Variants in PHACTR2 observed in about 807,000 individuals in gnomAD.
PHACTR2 encodes chromosome 6 open reading frame 56.
A neutral mutation model predicts 76.0 loss-of-function variants in PHACTR2; 30 were observed. The observed-to-expected ratio is 0.39, with a 90% CI of 0.30 to 0.54. The LOEUF is 0.54. PHACTR2 is among the 20% of genes least tolerant of loss of function. The pLI is 0.61. For synonymous variants in PHACTR2, 292 were observed against 292.5 expected, an observed-to-expected ratio of 1.00 and a Z score of 0.02; for missense variants, 696 against 781.1, an observed-to-expected ratio of 0.89 and a Z score of 1.30.
At chr6:143,808,091 T>A (rs1776101815) in intron 12 of PHACTR2, among the ~76,000 whole-genome samples, 1 of 152,096 alleles carries the variant, frequency 6.6e-6, no homozygotes, top group Admixed American at 6.5e-5. Flanking sequence ...TATCTATGGG[T>A]TCCCCATCTG....
rs890283549 is a variant in PHACTR2 at position 143,562,439 on chromosome 6, C to G, written c.217+25232C>G. On this transcript the variant is annotated intron_variant, in intron 1 of 11. Transcript: ENST00000367584. This position sits in a 1 kb window ranked among gnomAD's most constrained non-coding sequence, Gnocchi z 5.1. ...CTTACTTTTAAGTGACCAGGTCTCA[C>G]GAGAACTCACTCACTATTGCAAAGA... Among the ~76,000 whole-genome samples, 1 of 152,052 alleles carries G rather than the reference C, an allele frequency of 6.6e-6. No homozygotes were observed. The highest frequency in any genetic ancestry group is 1.5e-5 in the Non-Finnish European group (1 of 67,986).
intron 11 of PHACTR2, among the ~76,000 whole-genome samples, chr6:143,802,870 A>G (rs1369016425): frequency 6.6e-6 from 1 of 152,144 alleles, no homozygotes; most frequent in Admixed American, 6.5e-5. Flanking sequence ...TCTTCAGTGA[A>G]TTTTAAAAAT....
rs1775475394 is a variant in PHACTR2 at position 143,783,300 on chromosome 6, T to C, written c.1707+20T>C. On this transcript the variant is annotated intron_variant, in intron 10 of 12. Transcript: ENST00000440869. The surrounding 1 kb of genome is among the most constrained non-coding windows in gnomAD (Gnocchi z 5.2). ...AGAAAGGTAATGAAATCATAACTATTAATGAGCATATGTGTTTTGAGATAT... is the reference window on the plus strand; with the variant it reads ...AGAAAGGTAATGAAATCATAACTATCAATGAGCATATGTGTTTTGAGATAT... 4 of 1,487,036 alleles carry C rather than the reference T, an allele frequency of 2.7e-6. No individual in the cohort carries two copies. The East Asian group carries it at 9.0e-5, about 34-fold the overall frequency. The allele number at this position is 1,487,036 out of a possible 1,614,324, so 92.1% of individuals were successfully genotyped here.
chr6:143,810,712 G>A (rs1267990669), intron 12 of PHACTR2: 2 of 284,258 alleles, frequency 7.0e-6, no homozygotes, highest in Non-Finnish European at 1.4e-5. Flanking sequence ...CTTGCATGTA[G>A]TCTCAGCTAC....
In PHACTR2 at chr6:143,823,928, G is replaced by C. The variant is rs1332773340; in HGVS notation, c.*239G>C. On this transcript the variant is annotated 3_prime_UTR_variant, in exon 13 of 13. Coordinates refer to ENST00000440869, the MANE Select transcript of PHACTR2 (RefSeq NM_001100164.2). The surrounding 1 kb of genome is among the most constrained non-coding windows in gnomAD (Gnocchi z 5.7). Reference sequence around the variant, plus strand: ...TGCCCAGAATGCACAGCGATGGTAAGAGACACCGTGGATATTCTTCATCAG... The same window carrying C: ...TGCCCAGAATGCACAGCGATGGTAACAGACACCGTGGATATTCTTCATCAG... The C allele has an allele frequency of 9.8e-6, 4 of 409,658 alleles. No individual in the cohort carries two copies. Among genetic ancestry groups the C allele is most frequent in the Non-Finnish European group, 1.3e-5 (3 of 226,008 alleles). The allele number at this position is 409,658 out of a possible 1,614,324, so 25.4% of individuals were successfully genotyped here.
chr6:143,562,971 T>G lies in PHACTR2; in HGVS notation c.217+25764T>G, dbSNP rs1478668087. 6.6e-6 allele frequency among the ~76,000 whole-genome samples: 1 copy of G among 152,108 alleles called. No homozygotes were observed. Among genetic ancestry groups the G allele is most frequent in the Non-Finnish European group, 1.5e-5 (1 of 68,016 alleles). On this transcript the variant is annotated intron_variant, in intron 1 of 11. Transcript: ENST00000367584. The surrounding 1 kb of genome is among the most constrained non-coding windows in gnomAD (Gnocchi z 5.1). The stretch of plus-strand genomic sequence containing the variant: ...AAATAGAGTATAAGCTTCTAGGGGC[T>G]GGAGGAAAGGGGAGAAAAGGAGTTA...
chr6:143,676,039 GA>G (rs1440579409), upstream of PHACTR2, among the ~76,000 whole-genome samples: 1 of 152,182 alleles, frequency 6.6e-6, no homozygotes, highest in Non-Finnish European at 1.5e-5. This position sits in a 1 kb window ranked among gnomAD's most constrained non-coding sequence, Gnocchi z 4.8. Context: ...AGAAGCTCTA[GA>G]AACCAAGAAC....
chr6:143,749,302 A>T (rs371872972), intron 3 of PHACTR2, among the ~76,000 whole-genome samples: 1 of 152,226 alleles, frequency 6.6e-6, no homozygotes, highest in African/African-American at 2.4e-5. Flanking sequence ...TCTAAACCTA[A>T]AACTCTGCAA....
chr6:143,552,282 A>G (rs2128427534), intron 1 of PHACTR2, among the ~76,000 whole-genome samples: 1 of 152,274 alleles, frequency 6.6e-6, no homozygotes, highest in African/African-American at 2.4e-5. Flanking sequence ...AAAGAATAAA[A>G]ACTGAAAGGA....
intron 1 of PHACTR2, among the ~76,000 whole-genome samples, chr6:143,634,089 T>C (rs957601137): frequency 6.6e-6 from 1 of 152,208 alleles, no homozygotes; most frequent in African/African-American, 2.4e-5. Context: ...AATAATCTCA[T>C]GTAGAAAATG....
chr6:143,788,660 T>G, intron 10 of PHACTR2, 113 bp from the exon 11 acceptor site: 1 of 615,196 alleles, frequency 1.6e-6, no homozygotes. Flanking sequence ...TTTTTTTTGA[T>G]CTGAAAGTGA....
rs1273945497 is a variant in PHACTR2 at position 143,597,911 on chromosome 6, T to G, written c.217+60704T>G. On this transcript the variant is annotated intron_variant, in intron 1 of 11. Transcript: ENST00000367584. The surrounding 1 kb of genome is among the most constrained non-coding windows in gnomAD (Gnocchi z 5.7). ...CCTTCCTGATGCTCCTCCTACCACCTGCCATATTTTCTACCTGTTACTCAG... is the reference window on the plus strand; with the variant it reads ...CCTTCCTGATGCTCCTCCTACCACCGGCCATATTTTCTACCTGTTACTCAG... Among the ~76,000 whole-genome samples the G allele has an allele frequency of 6.6e-6, 1 of 152,174 alleles. No individual in the cohort carries two copies. Among genetic ancestry groups the G allele is most frequent in the Non-Finnish European group, 1.5e-5 (1 of 68,034 alleles).
At position 143,653,522 on chromosome 6, in the gene PHACTR2, T is replaced by C. The variant is rs1308471480; in HGVS notation, c.13+45200T>C. On this transcript the variant is annotated intron_variant, in intron 1 of 11. Coordinates refer to the PHACTR2 transcript ENST00000305766. This position sits in a 1 kb window ranked among gnomAD's most constrained non-coding sequence, Gnocchi z 4.9. ...GTTTATTTTCGGAGAGTAGTTTATA[T>C]ATGGAATAAATGGAATAGAATTGAG... is the stretch of plus-strand genomic sequence containing the variant. Among the ~76,000 whole-genome samples, 1 of 152,038 alleles carries C rather than the reference T, an allele frequency of 6.6e-6. No homozygotes were observed. The highest frequency in any genetic ancestry group is 2.4e-5 in the African/African-American group (1 of 41,372).
intron 1 of PHACTR2, among the ~76,000 whole-genome samples, chr6:143,645,928 A>G (rs991778471): frequency 2.0e-5 from 3 of 152,192 alleles, no homozygotes; most frequent in Non-Finnish European, 2.9e-5. Context: ...CCATAATATG[A>G]CACTAATATC....
At chr6:143,576,958 T>C (rs1775523237) in intron 1 of PHACTR2, among the ~76,000 whole-genome samples, 1 of 151,156 alleles carries the variant, frequency 6.6e-6, no homozygotes, top group Non-Finnish European at 1.5e-5. Flanking sequence ...TATAGGTATA[T>C]ACTACTTAAA....
intron 11 of PHACTR2, among the ~76,000 whole-genome samples, chr6:143,802,648 A>C (rs925238621): frequency 3.9e-4 from 14 of 36,000 alleles, no homozygotes; most frequent in Admixed American, 3.6e-3. Flanking sequence ...ACCCTGTCTC[A>C]AAAAAAAAAA....
rs1185989511 is a variant in PHACTR2 at position 143,558,560 on chromosome 6, A to C, written c.217+21353A>C. Among the ~76,000 whole-genome samples the C allele has an allele frequency of 1.3e-5, 2 of 152,194 alleles. No homozygotes were observed. Among genetic ancestry groups the C allele is most frequent in the Non-Finnish European group, 2.9e-5 (2 of 68,042 alleles). On this transcript the variant is annotated intron_variant, in intron 1 of 11. Transcript: ENST00000367584. This position sits in a 1 kb window ranked among gnomAD's most constrained non-coding sequence, Gnocchi z 4.7. ...TGTCCATTTTCATTTTTTAGGCTAC[A>C]TGGTGGGGAGACCAGAAAGCTCACT...
chr6:143,793,632 C>T lies in PHACTR2; in HGVS notation c.1845+4722C>T, dbSNP rs764912409. 6.6e-6 allele frequency among the ~76,000 whole-genome samples: 1 copy of T among 152,070 alleles called. No homozygotes were observed. Among genetic ancestry groups the T allele is most frequent in the Non-Finnish European group, 1.5e-5 (1 of 68,014 alleles). On this transcript the variant is annotated intron_variant, in intron 11 of 12. Transcript: ENST00000440869. This position sits in a 1 kb window ranked among gnomAD's most constrained non-coding sequence, Gnocchi z 4.4. ...TTAAATAGAAAAAATATTGGCCAGG[C>T]ATGGTGGCTCATGCCTGTAATCCTA...
Position 143,537,283 on chromosome 6 carries a change from G to C in PHACTR2, c.217+76G>C, listed in dbSNP as rs958211721. 1.2e-5 allele frequency: 2 copies of C among 171,196 alleles called. No individual in the cohort carries two copies. The highest frequency in any genetic ancestry group is 2.4e-5 in the Non-Finnish European group (2 of 81,854). The allele number at this position is 171,196 out of a possible 1,614,324, so 10.6% of individuals were successfully genotyped here. ...GCCGCGAGGGCGACGCGGCCAACCC[G>C]GGGCGCCCGCGGGCACTGGCCCGGC... On this transcript the variant is annotated intron_variant, in intron 1 of 11. Coordinates refer to the PHACTR2 transcript ENST00000367584. This position sits in a 1 kb window ranked among gnomAD's most constrained non-coding sequence, Gnocchi z 4.4.
Sources: allele counts gnomAD v4.1 joint callset (sites outside exome capture counted in the v4.1 genomes callset), GRCh38; gene constraint gnomAD v4.1.1; non-coding constraint Gnocchi (gnomAD v3.1); transcripts MANE v1.5; gene names NCBI Gene and HGNC (gene_info 2026-07-23, HGNC 2026-07-21).